Variants in LSAMP observed in about 807,000 individuals in gnomAD.
LSAMP encodes the protein limbic system-associated membrane protein.
LSAMP carries 7 observed loss-of-function variants against 38.6 expected under a neutral mutation model. The ratio of observed to expected loss-of-function variants is 0.18; its 90% CI spans 0.10 to 0.34. The LOEUF (loss-of-function observed/expected upper bound fraction) is 0.34. Ranked by LOEUF, LSAMP falls within the 10% of genes least tolerant of loss-of-function variation. The pLI, the probability that LSAMP is intolerant of heterozygous loss-of-function variation, is 1.00. For missense variants in LSAMP, 313 were observed against 420.0 expected (o/e 0.75, Z 2.23); for synonymous variants, 154 against 166.8 (o/e 0.92, Z 0.59).
chr3:116,319,934 T>A (rs1215402146), intron 1 of LSAMP, among the ~76,000 whole-genome samples: 1 of 152,066 alleles, frequency 6.6e-6, no homozygotes, highest in Non-Finnish European at 1.5e-5. Flanking sequence ...TGACTACAAT[T>A]TATGTTGTAT....
intron 1 of LSAMP, among the ~76,000 whole-genome samples, chr3:116,315,207 T>C (rs2047612516): frequency 6.6e-6 from 1 of 152,208 alleles, no homozygotes; most frequent in Non-Finnish European, 1.5e-5. Context: ...TATCAGATTC[T>C]ACCTACCAAG....
intron 6 of LSAMP, among the ~76,000 whole-genome samples, chr3:115,822,626 C>T (rs549966912): frequency 1.0e-3 from 158 of 152,276 alleles, no homozygotes; most frequent in African/African-American, 3.7e-3. Flanking sequence ...TCCCAAAGAG[C>T]TGGGATTACA....
rs545466437 is a variant in LSAMP at position 116,188,771 on chromosome 3, G to T, written c.156-102215C>A. The stretch of plus-strand genomic sequence containing the variant: ...AATGGGGGAATTCAAAAGTAATTAA[G>T]AAATGATGTCTTTCTCTAAGAGGCT... On this transcript the variant is annotated intron_variant, in intron 1 of 6. Transcript: ENST00000490035. 7.9e-5 allele frequency among the ~76,000 whole-genome samples: 12 copies of T among 152,290 alleles called. 1 individual carries two copies. The South Asian group carries it at 2.5e-3, about 32-fold the overall frequency.
chr3:116,042,972 A>G (rs1941208067), intron 2 of LSAMP, among the ~76,000 whole-genome samples: 1 of 152,084 alleles, frequency 6.6e-6, no homozygotes, highest in African/African-American at 2.4e-5. Flanking sequence ...TGGAAATTTT[A>G]CACCTTTCTA....
intron 3 of LSAMP, among the ~76,000 whole-genome samples, chr3:115,988,253 C>T (rs540806090): frequency 3.3e-5 from 5 of 152,200 alleles, no homozygotes; most frequent in Admixed American, 6.5e-5. Flanking sequence ...CCATTTTGAT[C>T]TACTATATTT....
At chr3:116,352,075 G>A (rs565417279) in intron 1 of LSAMP, among the ~76,000 whole-genome samples, 26 of 152,102 alleles carry the variant, frequency 1.7e-4, no homozygotes, top group African/African-American at 6.3e-4. Flanking sequence ...CCGCTTCACC[G>A]TATGTACAGG....
chr3:116,412,930 C>G (rs2048998821), intron 1 of LSAMP, among the ~76,000 whole-genome samples: 1 of 152,006 alleles, frequency 6.6e-6, no homozygotes, highest in South Asian at 2.1e-4. Context: ...ACACTAAATA[C>G]TCACTAAATC....
intron 1 of LSAMP, among the ~76,000 whole-genome samples, chr3:116,366,356 A>G (rs1469486116): frequency 1.3e-5 from 2 of 152,092 alleles, no homozygotes; most frequent in Non-Finnish European, 2.9e-5. Context: ...GTCAAAAAGC[A>G]CCTCTTTTTT....
intron 3 of LSAMP, among the ~76,000 whole-genome samples, chr3:115,854,907 T>C (rs555296037): frequency 6.6e-6 from 1 of 152,348 alleles, no homozygotes; most frequent in South Asian, 2.1e-4. Context: ...TAAGATAGCA[T>C]TATTTATTTT....
chr3:115,968,197 C>T (rs1444308561), intron 3 of LSAMP, among the ~76,000 whole-genome samples: 1 of 152,068 alleles, frequency 6.6e-6, no homozygotes, highest in Non-Finnish European at 1.5e-5. Flanking sequence ...GCACTGTGGC[C>T]TAGCTGGTGT....
chr3:116,329,161 T>C (rs1324596889), intron 1 of LSAMP, among the ~76,000 whole-genome samples: 1 of 152,182 alleles, frequency 6.6e-6, no homozygotes, highest in African/African-American at 2.4e-5. Flanking sequence ...AAGCAGGTAT[T>C]GAGCTTTAAT....
intron 2 of LSAMP, among the ~76,000 whole-genome samples, chr3:116,076,667 T>C (rs1032881712): frequency 1.3e-5 from 2 of 152,286 alleles, no homozygotes; most frequent in South Asian, 4.1e-4. Flanking sequence ...TTTAGATACA[T>C]AAAAAATTCA....
intron 3 of LSAMP, among the ~76,000 whole-genome samples, chr3:115,861,129 CT>C: frequency 9.1e-5 from 4 of 43,838 alleles, no homozygotes; most frequent in East Asian, 6.2e-4. Context: ...TTCCTTCTTT[CT>C]TTCCTTCCTT....
chr3:115,932,898 C>A (rs550455279), intron 3 of LSAMP, among the ~76,000 whole-genome samples: 10 of 152,286 alleles, frequency 6.6e-5, no homozygotes, highest in African/African-American at 2.4e-4. Context: ...AATGCACTGT[C>A]AGAAACATCT....
Position 115,803,736 on chromosome 3 carries a change from A to G in LSAMP, c.*6581T>C, listed in dbSNP as rs954997798. 2.0e-5 allele frequency: 3 copies of G among 152,142 alleles called. No homozygotes were observed. Among genetic ancestry groups the G allele is most frequent in the Non-Finnish European group, 4.4e-5 (3 of 68,020 alleles). 9.4% of individuals were successfully genotyped at this position (152,142 alleles called of 1,614,324 possible). The stretch of plus-strand genomic sequence containing the variant: ...CTATAATTCAAGCTTTGGGAAACTT[A>G]TCCCATGAGAAATTCCTTCCAAAAC... On this transcript the variant is annotated 3_prime_UTR_variant, in exon 7 of 7. Transcript: ENST00000490035.
intron 1 of LSAMP, among the ~76,000 whole-genome samples, chr3:116,332,105 G>T (rs1468487344): frequency 6.6e-6 from 1 of 151,990 alleles, no homozygotes. Flanking sequence ...CTCTCAAAGT[G>T]CTGGGATTAC....
intron 1 of LSAMP, among the ~76,000 whole-genome samples, chr3:116,106,098 A>G (rs528200649): frequency 9.8e-5 from 15 of 152,286 alleles, no homozygotes; most frequent in Admixed American, 5.9e-4. Flanking sequence ...AAAGAGAAAA[A>G]CAGGTATAAA....
intron 1 of LSAMP, among the ~76,000 whole-genome samples, chr3:116,298,438 A>C (rs998397429): frequency 2.0e-5 from 3 of 152,208 alleles, no homozygotes; most frequent in East Asian, 1.9e-4. Context: ...GAAAAAAAAA[A>C]CTGGGAGTTA....
At chr3:116,379,180 T>C (rs558875897) in intron 1 of LSAMP, among the ~76,000 whole-genome samples, 120 of 152,192 alleles carry the variant, frequency 7.9e-4, no homozygotes, top group African/African-American at 2.7e-3. Context: ...CTATACATTG[T>C]ATTGCTATGG....
Sources: allele counts gnomAD v4.1 joint callset (sites outside exome capture counted in the v4.1 genomes callset), GRCh38; gene constraint gnomAD v4.1.1; transcripts MANE v1.5; gene names NCBI Gene and HGNC (gene_info 2026-07-23, HGNC 2026-07-21).